Variants in FRMD4A observed in about 807,000 individuals in gnomAD.
The protein encoded by FRMD4A is FERM domain-containing protein 4A.
FRMD4A carries 29 observed loss-of-function variants against 129.1 expected under a neutral mutation model. The observed-to-expected ratio is 0.22, with a 90% CI of 0.17 to 0.31. The LOEUF is 0.31. Ranked by LOEUF, FRMD4A falls within the 10% of genes least tolerant of loss-of-function variation. The pLI is 1.00. For missense variants in FRMD4A, 1,272 were observed against 1,375.8 expected (o/e 0.92, Z 1.19); for synonymous variants, 634 against 571.6 (o/e 1.11, Z -1.56).
chr10:13,655,936 G>A (rs878905315), intron 22 of FRMD4A: 1 of 151,720 alleles, frequency 6.6e-6, no homozygotes, highest in African/African-American at 2.4e-5. Context: ...GGAATGAGTG[G>A]TTTCTTCCTT....
chr10:14,141,098 G>A (rs1839812001), intron 2 of FRMD4A, among the ~76,000 whole-genome samples: 1 of 152,118 alleles, frequency 6.6e-6, no homozygotes, highest in Non-Finnish European at 1.5e-5. Context: ...TCAAGGAGAA[G>A]CAGGAGATGG....
At chr10:14,061,898 T>C (rs11258844) in intron 2 of FRMD4A, among the ~76,000 whole-genome samples, 21,038 of 152,218 alleles carry the variant, frequency 0.14, 1,832 homozygotes, top group African/African-American at 0.24. Flanking sequence ...AGGACTACAA[T>C]GCCCCAACTT....
intron 2 of FRMD4A, among the ~76,000 whole-genome samples, chr10:14,225,388 T>C (rs1843401480): frequency 6.6e-6 from 1 of 152,128 alleles, no homozygotes; most frequent in Non-Finnish European, 1.5e-5. Flanking sequence ...AGGCAAGAGG[T>C]CCTAGGGTAG....
At chr10:13,817,705 C>A (rs2093567375) in intron 3 of FRMD4A, among the ~76,000 whole-genome samples, 1 of 152,210 alleles carries the variant, frequency 6.6e-6, no homozygotes, top group South Asian at 2.1e-4. Context: ...CCTTTGCCTT[C>A]CGCCGTGATT....
At chr10:14,044,729 T>C (rs1360405908) in intron 2 of FRMD4A, among the ~76,000 whole-genome samples, 1 of 152,248 alleles carries the variant, frequency 6.6e-6, no homozygotes, top group Admixed American at 6.5e-5. Flanking sequence ...ATTTCTGTTG[T>C]TTTAAGCCAG....
intron 14 of FRMD4A, among the ~76,000 whole-genome samples, chr10:13,699,352 C>T (rs955519198): frequency 6.7e-6 from 1 of 148,744 alleles, no homozygotes; most frequent in African/African-American, 2.5e-5. Flanking sequence ...ACTGAGATTA[C>T]AGGCGTGAGC....
intron 2 of FRMD4A, among the ~76,000 whole-genome samples, chr10:13,981,456 G>A (rs1359948062): frequency 6.6e-6 from 1 of 152,036 alleles, no homozygotes; most frequent in Non-Finnish European, 1.5e-5. Context: ...AATACTTAAG[G>A]GAGGCCAGGC....
intron 2 of FRMD4A, among the ~76,000 whole-genome samples, chr10:14,154,614 T>C (rs1048528603): frequency 3.3e-5 from 5 of 152,204 alleles, no homozygotes; most frequent in Admixed American, 2.0e-4. Context: ...ATACATAAAA[T>C]TAACAACGTT....
At chr10:13,869,193 A>C (rs2094410978) in intron 2 of FRMD4A, among the ~76,000 whole-genome samples, 2 of 152,208 alleles carry the variant, frequency 1.3e-5, no homozygotes, top group Non-Finnish European at 2.9e-5. Flanking sequence ...AACCATCTCC[A>C]CATGAATGCT....
chr10:14,277,689 C>G (rs1417095858), intron 2 of FRMD4A, among the ~76,000 whole-genome samples: 2 of 152,218 alleles, frequency 1.3e-5, no homozygotes, highest in African/African-American at 4.8e-5. Flanking sequence ...GCAACGCCTC[C>G]CCACAGTTAC....
intron 2 of FRMD4A, among the ~76,000 whole-genome samples, chr10:13,878,935 G>C (rs2094518535): frequency 6.6e-6 from 1 of 152,164 alleles, no homozygotes; most frequent in Non-Finnish European, 1.5e-5. Context: ...GGCAGGGACA[G>C]TGATGACATT....
intron 2 of FRMD4A, among the ~76,000 whole-genome samples, chr10:14,281,484 G>C (rs1845519699): frequency 6.6e-6 from 1 of 152,236 alleles, no homozygotes. Context: ...CAGCCACCAG[G>C]ACTGTGAGAA....
rs557534518 is a variant in FRMD4A at position 14,302,506 on chromosome 10, GTTACTA to G, written c.45+27546_45+27551del. 7.9e-5 allele frequency among the ~76,000 whole-genome samples: 12 copies of G among 152,332 alleles called. No individual in the cohort carries two copies. In the South Asian group the frequency reaches 1.2e-3, roughly 16 times the overall value. On this transcript the variant is annotated intron_variant, in intron 2 of 24. Coordinates refer to ENST00000357447, the MANE Select transcript of FRMD4A (RefSeq NM_018027.5). ...GAACCAGCTATGCAACTTTGAGCAA[GTTACTA>G]AACTTCTCTTCACTTCAGCTTCCTT...
intron 2 of FRMD4A, among the ~76,000 whole-genome samples, chr10:14,070,324 G>C (rs113571852): frequency 6.6e-6 from 1 of 152,174 alleles, no homozygotes; most frequent in African/African-American, 2.4e-5. Flanking sequence ...AAATTGTAAT[G>C]TAATTTACAG....
At chr10:14,298,982 A>G (rs1205731036) in intron 2 of FRMD4A, among the ~76,000 whole-genome samples, 2 of 152,170 alleles carry the variant, frequency 1.3e-5, no homozygotes, top group South Asian at 2.1e-4. Flanking sequence ...GTTGGGGAAA[A>G]AGAGTTTGCC....
chr10:13,697,152 ATTTTTTTTT>A (rs11309575), intron 14 of FRMD4A, among the ~76,000 whole-genome samples: 1 of 136,560 alleles, frequency 7.3e-6, no homozygotes, highest in Non-Finnish European at 1.6e-5. Context: ...AAACTACTGG[ATTTTTTTTT>A]TTTTTTTTTT....
chr10:13,862,025 G>C (rs1232701569), intron 2 of FRMD4A, among the ~76,000 whole-genome samples: 2 of 152,174 alleles, frequency 1.3e-5, no homozygotes, highest in Non-Finnish European at 2.9e-5. Context: ...TCATTGGAAA[G>C]AACCTAAGGT....
chr10:13,981,837 C>A (rs990912590), intron 2 of FRMD4A, among the ~76,000 whole-genome samples: 7 of 151,138 alleles, frequency 4.6e-5, no homozygotes, highest in African/African-American at 1.7e-4. Context: ...CCTGTTAGGG[C>A]AGGGGGTCAA....
At chr10:14,038,280 A>G (rs933032750) in intron 2 of FRMD4A, among the ~76,000 whole-genome samples, 3 of 152,206 alleles carry the variant, frequency 2.0e-5, no homozygotes, top group Admixed American at 6.5e-5. Flanking sequence ...CCAAGATCGC[A>G]CCACTGCACT....
Sources: allele counts gnomAD v4.1 joint callset (sites outside exome capture counted in the v4.1 genomes callset), GRCh38; gene constraint gnomAD v4.1.1; transcripts MANE v1.5; gene names NCBI Gene and HGNC (gene_info 2026-07-23, HGNC 2026-07-21).